UBR1: variants seen among roughly 807,000 people sequenced by gnomAD.
UBR1 encodes ubiquitin protein ligase E3 component n-recognin 1.
UBR1 carries 102 observed loss-of-function variants against 242.1 expected under a neutral mutation model. That is an observed-to-expected ratio of 0.42 (90% CI 0.36 to 0.50). UBR1 has a LOEUF of 0.50. Among genes scored for constraint, UBR1 ranks in the 20% least tolerant of loss-of-function variants. The pLI is 0.01. For synonymous variants in UBR1, 675 were observed against 684.8 expected, an observed-to-expected ratio of 0.99 and a Z score of 0.22; for missense variants, 1,772 against 2,101.8, an observed-to-expected ratio of 0.84 and a Z score of 3.07.
chr15:43,015,501 A>G lies in UBR1; in HGVS notation c.3209+187T>C, dbSNP rs566841957. On this transcript the variant is annotated intron_variant, in intron 29 of 46. Coordinates refer to ENST00000290650, the MANE Select transcript of UBR1 (RefSeq NM_174916.3). ...ATCTCAAGTACCCAGGGTCACAAAC[A>G]CTGCGGAAGGCCGCAGGGTCCTCTG... 3.3e-5 allele frequency among the ~76,000 whole-genome samples: 5 copies of G among 152,288 alleles called. No homozygotes were observed. The East Asian group carries it at 9.6e-4, about 29-fold the overall frequency.
rs549205229 is a variant in UBR1 at position 43,074,918 on chromosome 15, T to C, written c.528+61A>G. On this transcript the variant is annotated intron_variant, in intron 4 of 46. Transcript: ENST00000290650. The stretch of plus-strand genomic sequence containing the variant: ...TGGAATCTATACACATAACATTTAT[T>C]CTTATCTAATCTCAGCAAACTTAAA... 3 of 1,307,254 alleles carry C rather than the reference T, an allele frequency of 2.3e-6. No individual in the cohort carries two copies. The African/African-American group carries it at 4.3e-5, about 19-fold the overall frequency. The allele number at this position is 1,307,254 out of a possible 1,614,324, so 81.0% of individuals were successfully genotyped here.
intron 19 of UBR1, among the ~76,000 whole-genome samples, chr15:43,035,312 T>A (rs1567132694): frequency 6.6e-6 from 1 of 152,338 alleles, no homozygotes; most frequent in East Asian, 1.9e-4. Flanking sequence ...CATATTCTAA[T>A]TTTTCTAGAT....
chr15:42,949,441 AAAAT>A (rs1037835515), intron 46 of UBR1, among the ~76,000 whole-genome samples: 1 of 95,256 alleles, frequency 1.0e-5, no homozygotes, highest in Non-Finnish European at 3.0e-5. Context: ...ATAATAAAAT[AAAAT>A]AAAAAAAAAA....
At chr15:43,104,827 C>T (rs941999409) in intron 1 of UBR1, among the ~76,000 whole-genome samples, 6 of 151,764 alleles carry the variant, frequency 4.0e-5, no homozygotes, top group African/African-American at 7.3e-5. Context: ...TGGTGAAACC[C>T]CGTCTCTAAT....
At chr15:43,022,448 A>G (rs974814822) in intron 26 of UBR1, among the ~76,000 whole-genome samples, 14 of 152,068 alleles carry the variant, frequency 9.2e-5, no homozygotes, top group African/African-American at 3.4e-4. Context: ...AAAAAAAAAA[A>G]AGTGGGGCGA....
chr15:42,984,064 T>C (rs1391430730), intron 36 of UBR1, 71 bp from the exon 37 acceptor site: 22 of 1,275,506 alleles, frequency 1.7e-5, no homozygotes, highest in South Asian at 2.7e-5. Flanking sequence ...CACTTAAGAG[T>C]TGGTAAAAAC....
At chr15:42,999,678 A>G (rs899895184) in intron 32 of UBR1, among the ~76,000 whole-genome samples, 3 of 152,082 alleles carry the variant, frequency 2.0e-5, no homozygotes, top group African/African-American at 7.2e-5. Flanking sequence ...AAATACAAAA[A>G]TTAGTGGGGT....
chr15:42,977,752 G>A (rs1372884618), intron 38 of UBR1, 128 bp downstream of exon 38: 1 of 780,788 alleles, frequency 1.3e-6, no homozygotes, highest in Non-Finnish European at 2.2e-6. Flanking sequence ...ACAATGGACA[G>A]GAGAGACCAA....
chr15:42,991,561 T>G (rs957753344), intron 33 of UBR1, among the ~76,000 whole-genome samples: 6 of 152,168 alleles, frequency 3.9e-5, no homozygotes, highest in Admixed American at 6.5e-5. Flanking sequence ...TTCTGCATTA[T>G]TTTTCCCTTC....
intron 4 of UBR1, 76 bp downstream of exon 4, chr15:43,074,903 A>G: frequency 8.2e-7 from 1 of 1,213,476 alleles, no homozygotes; most frequent in East Asian, 2.3e-5. Flanking sequence ...TGGAATCTAT[A>G]CACATAACAT....
At chr15:42,993,551 A>G (rs2032588470) in intron 33 of UBR1, among the ~76,000 whole-genome samples, 1 of 151,986 alleles carries the variant, frequency 6.6e-6, no homozygotes, top group Non-Finnish European at 1.5e-5. Flanking sequence ...TATTTTTAGT[A>G]GAGACGGGGT....
chr15:43,032,683 T>C (rs1181686861), intron 19 of UBR1, 52 bp from the exon 20 acceptor site: 3 of 1,115,836 alleles, frequency 2.7e-6, no homozygotes, highest in East Asian at 2.5e-5. Flanking sequence ...AAAACCTCCA[T>C]AAAACATGCA....
intron 1 of UBR1, among the ~76,000 whole-genome samples, chr15:43,096,778 G>T (rs2034167219): frequency 6.6e-6 from 1 of 152,154 alleles, no homozygotes; most frequent in African/African-American, 2.4e-5. Context: ...CAGCAATTCA[G>T]TCATAACTTC....
chr15:42,972,411 C>T (rs1461714957), intron 39 of UBR1, among the ~76,000 whole-genome samples: 4 of 152,104 alleles, frequency 2.6e-5, no homozygotes, highest in African/African-American at 9.7e-5. Flanking sequence ...CTCTGTCACA[C>T]AGACTGGAGT....
chr15:43,019,120 G>A (rs2033068980), intron 27 of UBR1, among the ~76,000 whole-genome samples: 1 of 151,976 alleles, frequency 6.6e-6, no homozygotes, highest in Non-Finnish European at 1.5e-5. Flanking sequence ...GGAGTGCAGT[G>A]GTGTTATCTC....
chr15:43,004,929 G>A (rs995410305), intron 30 of UBR1, among the ~76,000 whole-genome samples: 28 of 151,718 alleles, frequency 1.8e-4, no homozygotes, highest in Non-Finnish European at 5.9e-5. Flanking sequence ...CGTCTAGGAA[G>A]TGAGGAGTGT....
At chr15:43,018,226 C>A (rs1430280411) in intron 27 of UBR1, among the ~76,000 whole-genome samples, 1 of 152,110 alleles carries the variant, frequency 6.6e-6, no homozygotes, top group Non-Finnish European at 1.5e-5. Flanking sequence ...TGGTCTCGAT[C>A]TCCTGACCTC....
chr15:42,960,582 A>G lies in UBR1; in HGVS notation c.4757+63T>C, dbSNP rs1412297043. 8.5e-6 allele frequency: 13 copies of G among 1,530,878 alleles called. No individual in the cohort carries two copies. In the Admixed American group the frequency reaches 1.3e-4, roughly 16 times the overall value. 94.8% of individuals were successfully genotyped at this position (1,530,878 alleles called of 1,614,324 possible). A position where few individuals can be genotyped will look rare whatever the true frequency, so the allele number is the denominator to read the frequency against. ...GCAGACTAGAAACTATGCTCAACAA[A>G]TCAACTACTTTAGGAAACACAACTT... On this transcript the variant is annotated intron_variant, in intron 43 of 46. Coordinates refer to ENST00000290650, the MANE Select transcript of UBR1 (RefSeq NM_174916.3).
Position 42,985,106 on chromosome 15 carries a change from T to A in UBR1, c.3998-164A>T, listed in dbSNP as rs529413819. 2.6e-5 allele frequency among the ~76,000 whole-genome samples: 4 copies of A among 152,246 alleles called. No homozygotes were observed. The East Asian group carries it at 7.7e-4, about 29-fold the overall frequency. Reference sequence around the variant, plus strand: ...AGTCTATGCCAAAATTTTCCAATTTTTGAGTGAGAGAAAATTAGAGAATCA... The same window carrying A: ...AGTCTATGCCAAAATTTTCCAATTTATGAGTGAGAGAAAATTAGAGAATCA... On this transcript the variant is annotated intron_variant, in intron 35 of 46. Transcript: ENST00000290650.
Sources: allele counts gnomAD v4.1 joint callset (sites outside exome capture counted in the v4.1 genomes callset), GRCh38; gene constraint gnomAD v4.1.1; transcripts MANE v1.5; gene names NCBI Gene and HGNC (gene_info 2026-07-23, HGNC 2026-07-21).